The following ARFGEF2 variants were observed in gnomAD, a reference collection of about 807,000 sequenced individuals.
ARFGEF2 encodes the protein ARF guanine nucleotide exchange factor 2, also known as brefeldin A-inhibited guanine nucleotide-exchange protein 2.
Under a neutral mutation model 219.9 loss-of-function variants are expected in ARFGEF2, and 74 were observed. That is an observed-to-expected ratio of 0.34 (90% CI 0.28 to 0.41). The LOEUF (loss-of-function observed/expected upper bound fraction) is 0.41, where lower values mean the gene tolerates loss of function less well. Ranked by LOEUF, ARFGEF2 falls within the 10% of genes least tolerant of loss-of-function variation. The pLI is 1.00. For synonymous variants in ARFGEF2, 733 were observed against 799.2 expected (o/e 0.92, Z 1.40); for missense variants, 1,743 against 2,218.3 (o/e 0.79, Z 4.30).
intron 34 of ARFGEF2, among the ~76,000 whole-genome samples, chr20:49,020,579 G>A (rs1004003547): frequency 1.3e-5 from 2 of 152,170 alleles, no homozygotes; most frequent in South Asian, 2.1e-4. Flanking sequence ...CTGAGTAGCT[G>A]GGACTATAGG....
chr20:48,976,916 T>C (rs538499052), intron 14 of ARFGEF2, among the ~76,000 whole-genome samples: 94 of 152,022 alleles, frequency 6.2e-4, no homozygotes, highest in African/African-American at 2.2e-3. Flanking sequence ...GTTTGTCTTA[T>C]TTGTTTTATT....
At position 49,017,477 on chromosome 20, in the gene ARFGEF2, T is replaced by TTC; in HGVS notation, c.4455-19_4455-18insTC. 6.2e-7 allele frequency: 1 copy of TTC among 1,613,120 alleles called. No homozygotes were observed. Among genetic ancestry groups the TTC allele is most frequent in the South Asian group, 1.1e-5 (1 of 90,940 alleles). On this transcript the variant is annotated intron_variant, in intron 32 of 38. Transcript: ENST00000371917. ...TGCCTTTCACATTGATTATTTTTTT[T>TTC]CTCTATTTTTTTCTTCAGTTTGCTG...
intron 1 of ARFGEF2, among the ~76,000 whole-genome samples, chr20:48,925,791 C>T (rs1341123271): frequency 6.6e-6 from 1 of 152,114 alleles, no homozygotes; most frequent in African/African-American, 2.4e-5. Context: ...GAGTTGAGAT[C>T]ATGCCATTGC....
At chr20:48,952,933 A>C in intron 5 of ARFGEF2, 49 bp downstream of exon 5, 1 of 1,592,468 alleles carries the variant, frequency 6.3e-7, no homozygotes, top group Non-Finnish European at 8.6e-7. Context: ...TTGCTCTCTG[A>C]ACTCTATCAT....
intron 35 of ARFGEF2, among the ~76,000 whole-genome samples, chr20:49,023,634 G>C (rs1055426593): frequency 6.6e-6 from 1 of 150,996 alleles, no homozygotes; most frequent in Non-Finnish European, 1.5e-5. Flanking sequence ...CGCCTCCTGG[G>C]TTCACGCCAT....
At chr20:48,954,810 T>C (rs2091096295) in intron 6 of ARFGEF2, among the ~76,000 whole-genome samples, 1 of 152,178 alleles carries the variant, frequency 6.6e-6, no homozygotes, top group Non-Finnish European at 1.5e-5. Context: ...TACTTACTTC[T>C]GCTGTCGAGA....
chr20:48,982,846 T>C (rs538892563), intron 14 of ARFGEF2, among the ~76,000 whole-genome samples: 9 of 152,282 alleles, frequency 5.9e-5, no homozygotes, highest in Admixed American at 3.9e-4. Flanking sequence ...GCTAAGACCA[T>C]TGGAGAAGTG....
chr20:49,001,959 A>G (rs2091427743), intron 25 of ARFGEF2, among the ~76,000 whole-genome samples: 1 of 152,252 alleles, frequency 6.6e-6, no homozygotes, highest in Non-Finnish European at 1.5e-5. Flanking sequence ...TAAAATACAC[A>G]TAACAGGCCG....
chr20:48,975,811 A>AAAAAAAAAAAAAAT (rs2091257724), intron 13 of ARFGEF2, among the ~76,000 whole-genome samples: 1 of 151,854 alleles, frequency 6.6e-6, no homozygotes, highest in African/African-American at 2.4e-5. Flanking sequence ...AAAAAAAAAA[A>AAAAAAAAAAAAAAT]AGAATTAGCT....
At chr20:48,958,664 G>A (rs6095378) in intron 6 of ARFGEF2, among the ~76,000 whole-genome samples, 3 of 151,760 alleles carry the variant, frequency 2.0e-5, no homozygotes, top group African/African-American at 7.3e-5. Flanking sequence ...GGATGGTCTC[G>A]ATCTCCTGAC....
chr20:48,994,516 C>T lies in ARFGEF2; in HGVS notation c.3039C>T (p.Tyr1013=), dbSNP rs1195258454. 1 of 1,614,152 alleles carries T rather than the reference C, an allele frequency of 6.2e-7. No individual in the cohort carries two copies. Among genetic ancestry groups the T allele is most frequent in the South Asian group, 1.1e-5 (1 of 91,074 alleles). The change falls in exon 22 of 39, where the codon TAC becomes TAT. Residue 1013 remains tyrosine (Y), a synonymous_variant. Coordinates refer to ENST00000371917, the MANE Select transcript of ARFGEF2 (RefSeq NM_006420.3). ...TAGGAACCGGTGTGAAGACGCGCTA[C>T]CTGTCTGGATCTGGGCGTGAAAGAG... is the stretch of plus-strand genomic sequence containing the variant. ...QLIGTGVKTR[Y]LSGSGREREG... is the part of the protein sequence containing the mutation.
intron 21 of ARFGEF2, among the ~76,000 whole-genome samples, chr20:48,992,779 A>C (rs1469865471): frequency 6.6e-6 from 1 of 152,222 alleles, no homozygotes; most frequent in African/African-American, 2.4e-5. Flanking sequence ...ACAGTGGCTC[A>C]CACCTGTAAT....
In ARFGEF2 at chr20:48,972,274, G is replaced by T. The variant is rs2091233049; in HGVS notation, c.1426-52G>T. 8 of 1,342,474 alleles carry T rather than the reference G, an allele frequency of 6.0e-6. No individual in the cohort carries two copies. In the Admixed American group the frequency reaches 1.2e-4, roughly 20 times the overall value. The allele number at this position is 1,342,474 out of a possible 1,614,324, so 83.2% of individuals were successfully genotyped here. ...CTGCTGAAGACTTTGGAGGTTTTGA[G>T]CCCTGGTTGAAACTGTTAATTAGTG... On this transcript the variant is annotated intron_variant, in intron 10 of 38. Coordinates refer to ENST00000371917, the MANE Select transcript of ARFGEF2 (RefSeq NM_006420.3).
At chr20:48,929,139 T>G (rs2090897800) in intron 1 of ARFGEF2, among the ~76,000 whole-genome samples, 1 of 152,246 alleles carries the variant, frequency 6.6e-6, no homozygotes, top group Non-Finnish European at 1.5e-5. Context: ...TTGACTTTCT[T>G]TCCAGCAAGG....
intron 5 of ARFGEF2, 29 bp downstream of exon 5, chr20:48,952,913 C>T (rs778900708): frequency 6.2e-7 from 1 of 1,610,874 alleles, no homozygotes; most frequent in East Asian, 2.2e-5. Context: ...GTGCTAGGGG[C>T]AAGACATCAT....
intron 26 of ARFGEF2, among the ~76,000 whole-genome samples, chr20:49,007,592 CTTTTTT>C (rs752508908): frequency 1.0e-5 from 1 of 97,868 alleles, no homozygotes; most frequent in Non-Finnish European, 2.0e-5. Flanking sequence ...CCTGGTGTTG[CTTTTTT>C]TTTTTTTTTT....
intron 26 of ARFGEF2, among the ~76,000 whole-genome samples, chr20:49,005,737 CAAA>C (rs56730863): frequency 9.6e-5 from 6 of 62,218 alleles, no homozygotes; most frequent in Admixed American, 5.6e-4. Context: ...GACTCCGTCT[CAAA>C]AAAAAAAAAA....
At chr20:48,940,145 G>T (rs998980526) in intron 1 of ARFGEF2, among the ~76,000 whole-genome samples, 1 of 152,218 alleles carries the variant, frequency 6.6e-6, no homozygotes, top group African/African-American at 2.4e-5. Context: ...CTCTGAGATT[G>T]TGATTTCTGA....
At chr20:48,950,244 T>C (rs2091057236) in intron 3 of ARFGEF2, among the ~76,000 whole-genome samples, 1 of 152,090 alleles carries the variant, frequency 6.6e-6, no homozygotes, top group Non-Finnish European at 1.5e-5. Context: ...AGGTGTGAAA[T>C]GCAGATGAAG....
Sources: gnomAD v4.1 joint callset for allele counts (sites outside exome capture counted in the v4.1 genomes callset) on GRCh38, gnomAD v4.1.1 for gene constraint, MANE v1.5 for transcripts, NCBI Gene and HGNC (gene_info 2026-07-23, HGNC 2026-07-21) for gene names.